The following PPP2R5E variants were observed in gnomAD, a reference collection of about 807,000 sequenced individuals.
PPP2R5E encodes serine/threonine-protein phosphatase 2A 56 kDa regulatory subunit epsilon isoform.
Under a neutral mutation model 65.3 loss-of-function variants are expected in PPP2R5E, and 4 were observed. The observed-to-expected ratio is 0.06, with a 90% CI of 0.03 to 0.14. PPP2R5E has a LOEUF of 0.14. Among genes scored for constraint, PPP2R5E ranks in the 10% least tolerant of loss-of-function variants. The pLI is 1.00. For synonymous variants in PPP2R5E, 183 were observed against 187.4 expected (o/e 0.98, Z 0.19); for missense variants, 274 against 556.1 (o/e 0.49, Z 5.10).
At chr14:63,393,701 G>A (rs760716786) in intron 8 of PPP2R5E, 119 bp downstream of exon 8, 2 of 649,040 alleles carry the variant, frequency 3.1e-6, no homozygotes, top group Non-Finnish European at 2.6e-6. Flanking sequence ...GGCAGAGCAA[G>A]ACTCCGTCTC....
intron 2 of PPP2R5E, among the ~76,000 whole-genome samples, chr14:63,480,877 A>G (rs756527642): frequency 3.9e-5 from 6 of 152,160 alleles, no homozygotes; most frequent in Non-Finnish European, 8.8e-5. Context: ...GGAGAAACAC[A>G]CCTGCTCACT....
intron 2 of PPP2R5E, among the ~76,000 whole-genome samples, chr14:63,523,421 G>A (rs982345820): frequency 6.6e-6 from 1 of 152,084 alleles, no homozygotes; most frequent in African/African-American, 2.4e-5. Context: ...CCAACCCTGT[G>A]CTCTCTGAAA....
intron 3 of PPP2R5E, among the ~76,000 whole-genome samples, chr14:63,446,631 C>A (rs1888491919): frequency 6.6e-6 from 1 of 151,924 alleles, no homozygotes; most frequent in Admixed American, 6.6e-5. Context: ...AGATCAAGAT[C>A]ATCCTGGCTA....
intron 7 of PPP2R5E, 141 bp from the exon 8 acceptor site, chr14:63,394,069 C>CT: frequency 3.3e-5 from 10 of 306,668 alleles, no homozygotes; most frequent in South Asian, 2.9e-4. Context: ...TTCAGAATTT[C>CT]CTTTTTTTTT....
At chr14:63,526,783 C>A (rs1419346550) in intron 2 of PPP2R5E, among the ~76,000 whole-genome samples, 1 of 152,178 alleles carries the variant, frequency 6.6e-6, no homozygotes, top group African/African-American at 2.4e-5. Context: ...TCTTGAACTC[C>A]TGGGCTCAAG....
intron 3 of PPP2R5E, among the ~76,000 whole-genome samples, chr14:63,428,954 G>T (rs1887482382): frequency 6.6e-6 from 1 of 152,014 alleles, no homozygotes; most frequent in African/African-American, 2.4e-5. Context: ...AACAGAGTGT[G>T]GCTAGCACCT....
intron 2 of PPP2R5E, among the ~76,000 whole-genome samples, chr14:63,538,393 G>A (rs532434831): frequency 6.6e-6 from 1 of 151,744 alleles, no homozygotes; most frequent in South Asian, 2.1e-4. Context: ...CCGAGTAGCT[G>A]GGATTACAGG....
intron 2 of PPP2R5E, among the ~76,000 whole-genome samples, chr14:63,490,767 G>A (rs1471418770): frequency 6.6e-6 from 1 of 151,984 alleles, no homozygotes; most frequent in Non-Finnish European, 1.5e-5. Context: ...AAAAAGGAAC[G>A]CTCATACACT....
chr14:63,520,859 CAAAAAAAAAAAAA>C (rs748146106), intron 2 of PPP2R5E, among the ~76,000 whole-genome samples: 165 of 58,528 alleles, frequency 2.8e-3, no homozygotes, highest in Middle Eastern at 0.011. Flanking sequence ...ACTAAAAATA[CAAAAAAAAAAAAA>C]AAAAAAAAAA....
In PPP2R5E at chr14:63,375,929, A is replaced by G; in HGVS notation, c.*80T>C. 1.0e-6 allele frequency: 1 copy of G among 994,556 alleles called. No individual in the cohort carries two copies. Among genetic ancestry groups the G allele is most frequent in the Non-Finnish European group, 1.6e-6 (1 of 641,914 alleles). The allele number at this position is 994,556 out of a possible 1,614,324, so 61.6% of individuals were successfully genotyped here. A position where few individuals can be genotyped will look rare whatever the true frequency, so the allele number is the denominator to read the frequency against. ...GTGAAATCTACTGTAAAGTTGCACA[A>G]TACAGAAAACTGTTGCTCCATCTTC... On this transcript the variant is annotated 3_prime_UTR_variant, in exon 14 of 14. Transcript: ENST00000337537.
chr14:63,384,295 C>T, intron 12 of PPP2R5E, 149 bp downstream of exon 12: 1 of 892,598 alleles, frequency 1.1e-6, no homozygotes, highest in Non-Finnish European at 1.8e-6. Flanking sequence ...TGTTTATTTT[C>T]TCCAGTCAGT....
At chr14:63,539,006 A>G (rs1416115772) in intron 2 of PPP2R5E, among the ~76,000 whole-genome samples, 1 of 152,210 alleles carries the variant, frequency 6.6e-6, no homozygotes, top group Non-Finnish European at 1.5e-5. Flanking sequence ...ATACTTGTAC[A>G]TAGAAAGGTA....
At chr14:63,428,421 T>C (rs887771396) in intron 3 of PPP2R5E, among the ~76,000 whole-genome samples, 2 of 152,242 alleles carry the variant, frequency 1.3e-5, no homozygotes, top group African/African-American at 2.4e-5. Context: ...TGGGACTGTC[T>C]TATACTAAAA....
At chr14:63,518,344 G>A (rs1243660145) in intron 2 of PPP2R5E, among the ~76,000 whole-genome samples, 1 of 152,096 alleles carries the variant, frequency 6.6e-6, no homozygotes, top group Non-Finnish European at 1.5e-5. Context: ...TGGGTTCAAG[G>A]GATCCTCCTG....
At chr14:63,417,426 C>T (rs1328480517) in intron 4 of PPP2R5E, among the ~76,000 whole-genome samples, 1 of 149,818 alleles carries the variant, frequency 6.7e-6, no homozygotes, top group Non-Finnish European at 1.5e-5. Flanking sequence ...GCCAAATACC[C>T]AAGCCTGAAT....
intron 2 of PPP2R5E, among the ~76,000 whole-genome samples, chr14:63,500,419 G>T (rs1891810651): frequency 6.6e-6 from 1 of 152,116 alleles, no homozygotes; most frequent in African/African-American, 2.4e-5. Context: ...AAGTCTTTGT[G>T]ACAGGAAATC....
intron 13 of PPP2R5E, among the ~76,000 whole-genome samples, chr14:63,378,223 T>G (rs1008743205): frequency 6.6e-6 from 1 of 152,214 alleles, no homozygotes; most frequent in Admixed American, 6.5e-5. Context: ...GATAAGGGGA[T>G]GGTAAGCAAG....
At chr14:63,379,824 C>CTTTTTTTTTTTTTT (rs1884212610) in intron 13 of PPP2R5E, among the ~76,000 whole-genome samples, 1 of 115,982 alleles carries the variant, frequency 8.6e-6, no homozygotes, top group African/African-American at 5.9e-5. Flanking sequence ...AATATTCTCT[C>CTTTTTTTTTTTTTT]TCTTTTTTTT....
chr14:63,402,778 C>T (rs1885827151), intron 5 of PPP2R5E, among the ~76,000 whole-genome samples: 1 of 151,758 alleles, frequency 6.6e-6, no homozygotes, highest in Non-Finnish European at 1.5e-5. Context: ...TAATAGCAAT[C>T]CAGAAAGACA....
Sources: allele counts gnomAD v4.1 joint callset (sites outside exome capture counted in the v4.1 genomes callset), GRCh38; gene constraint gnomAD v4.1.1; transcripts MANE v1.5; gene names NCBI Gene and HGNC (gene_info 2026-07-23, HGNC 2026-07-21).